Variants in NEXN observed in about 807,000 individuals in gnomAD.
NEXN encodes nexilin F-actin binding protein.
In NEXN, 65 loss-of-function variants were observed where a neutral mutation model predicts 92.6. That is an observed-to-expected ratio of 0.70 (90% CI 0.57 to 0.86). NEXN has a LOEUF of 0.86. Among genes scored for constraint, NEXN ranks in the 40% least tolerant of loss-of-function variants. The pLI is 0.00. For synonymous variants in NEXN, 254 were observed against 242.5 expected (o/e 1.05, Z -0.44); for missense variants, 778 against 771.1 (o/e 1.01, Z -0.11).
chr1:77,925,983 G>T (rs1649810881), intron 6 of NEXN, among the ~76,000 whole-genome samples: 2 of 151,666 alleles, frequency 1.3e-5, no homozygotes, highest in South Asian at 4.2e-4. Flanking sequence ...CTAAATACTG[G>T]TTTCATTAAG....
At chr1:77,937,075 C>T (rs778166596) in intron 11 of NEXN, among the ~76,000 whole-genome samples, 7 of 151,168 alleles carry the variant, frequency 4.6e-5, no homozygotes, top group African/African-American at 9.8e-5. Flanking sequence ...TTTGGGAGGC[C>T]GAGGTGGGTG....
At position 77,922,620 on chromosome 1, in the gene NEXN, C is replaced by T. The variant is rs546786297; in HGVS notation, c.448-2568C>T. ...ATTATTCTTTTTTTTTTTTTTGAGA[C>T]GGAGTCTCGCTCTGTTGCCCAGGCT... On this transcript the variant is annotated intron_variant, in intron 5 of 12. Transcript: ENST00000334785. 1.6e-4 allele frequency among the ~76,000 whole-genome samples: 22 copies of T among 140,254 alleles called. 1 individual carries two copies. In the East Asian group the frequency reaches 3.9e-3, roughly 25 times the overall value. The allele number at this position is 140,254 out of a possible 152,430, so 92.0% of individuals were successfully genotyped here. A position where few individuals can be genotyped will look rare whatever the true frequency, so the allele number is the denominator to read the frequency against.
intron 1 of NEXN, among the ~76,000 whole-genome samples, chr1:77,915,343 C>A (rs1235056383): frequency 6.6e-6 from 1 of 151,892 alleles, no homozygotes; most frequent in African/African-American, 2.4e-5. Context: ...AAAAAGAAAG[C>A]TGGTGGCCGG....
chr1:77,926,854 G>T lies in NEXN; in HGVS notation c.826G>T (p.Glu276Ter). ...AEEEARKRLE[E>*]EKRAFEEARR... ...AGAGGAAGCAAGAAAACGTTTAGAA[G>T]AAGAGAAGCGTGCTTTTGAAGAAGC... is the stretch of plus-strand genomic sequence containing the variant. Residue 276 changes from glutamate (E) to a stop codon, truncating the protein, a stop_gained, in exon 8 of 13, where the codon GAA (glutamate) becomes TAA (stop). Coordinates refer to ENST00000334785, the MANE Select transcript of NEXN (RefSeq NM_144573.4). LOFTEE classifies it high-confidence loss of function. 6.2e-7 allele frequency: 1 copy of T among 1,613,946 alleles called. No homozygotes were observed. Among genetic ancestry groups the T allele is most frequent in the Non-Finnish European group, 8.5e-7 (1 of 1,179,972 alleles).
chr1:77,921,198 A>C (rs1020549163), intron 5 of NEXN, among the ~76,000 whole-genome samples: 3 of 152,128 alleles, frequency 2.0e-5, no homozygotes, highest in African/African-American at 7.2e-5. Context: ...ACAGACAAAC[A>C]ACTTAGCCAG....
Position 77,926,536 on chromosome 1 carries a change from C to G in NEXN, c.612C>G (p.Tyr204Ter), listed in dbSNP as rs755062153. 1 of 1,613,466 alleles carries G rather than the reference C, an allele frequency of 6.2e-7. No homozygotes were observed. The highest frequency in any genetic ancestry group is 1.1e-5 in the South Asian group (1 of 91,040). ...KEREEKERIK[Y>*]EEDKRIRYEE... ...GTGAAGAGAAAGAAAGGATCAAGTA[C>G]GAGGAAGATAAAAGAATAAGATATG... is the stretch of plus-strand genomic sequence containing the variant. Residue 204 changes from tyrosine to a stop codon, truncating the protein, a stop_gained, in exon 7 of 13, where the codon TAC (tyrosine) becomes TAG (stop). Transcript: ENST00000334785. LOFTEE classifies it high-confidence loss of function.
chr1:77,936,393 C>G (rs1214485263), intron 11 of NEXN, among the ~76,000 whole-genome samples: 3 of 152,074 alleles, frequency 2.0e-5, no homozygotes, highest in Non-Finnish European at 4.4e-5. Flanking sequence ...CCTAGGCTAG[C>G]CTGGGTAACA....
chr1:77,908,784 T>C (rs1409098083), intron 1 of NEXN, among the ~76,000 whole-genome samples: 1 of 152,212 alleles, frequency 6.6e-6, no homozygotes, highest in Non-Finnish European at 1.5e-5. Context: ...AGATGAATAG[T>C]AATAAAATTA....
At chr1:77,929,277 G>A (rs753834824) in intron 8 of NEXN, 39 bp from the exon 9 acceptor site, 1 of 1,394,902 alleles carries the variant, frequency 7.2e-7, no homozygotes, top group Non-Finnish European at 1.0e-6. Context: ...TTTTTCTGAT[G>A]AACCTCAATT....
chr1:77,932,812 G>C (rs1166463058), intron 9 of NEXN, among the ~76,000 whole-genome samples: 1 of 152,118 alleles, frequency 6.6e-6, no homozygotes, highest in African/African-American at 2.4e-5. Context: ...TTTGAACACT[G>C]TGTTGAGACT....
At chr1:77,920,885 A>G (rs527773195) in intron 5 of NEXN, among the ~76,000 whole-genome samples, 20 of 152,246 alleles carry the variant, frequency 1.3e-4, no homozygotes, top group Non-Finnish European at 2.8e-4. Context: ...TTTATAAAGC[A>G]AAAGAAATAG....
chr1:77,926,528 A>T lies in NEXN; in HGVS notation c.604A>T (p.Ile202Phe). Residue 202 changes from isoleucine to phenylalanine, a missense_variant, in exon 7 of 13, where the codon ATC becomes TTC. Around this residue, in one of 3 missense-constraint regions of NEXN, gnomAD observed 236 missense variants for 265.6 expected, o/e 0.89. Transcript: ENST00000334785. ...LEKEREEKER[I>F]KYEEDKRIRY... Reference sequence around the variant, plus strand: ...AAAAGAACGTGAAGAGAAAGAAAGGATCAAGTACGAGGAAGATAAAAGAAT... The same window carrying T: ...AAAAGAACGTGAAGAGAAAGAAAGGTTCAAGTACGAGGAAGATAAAAGAAT... The T allele has an allele frequency of 6.2e-7, 1 of 1,613,720 alleles. No individual in the cohort carries two copies. Among genetic ancestry groups the T allele is most frequent in the Non-Finnish European group, 8.5e-7 (1 of 1,179,826 alleles).
At chr1:77,915,511 C>T (rs1344138873) in intron 1 of NEXN, among the ~76,000 whole-genome samples, 1 of 152,178 alleles carries the variant, frequency 6.6e-6, no homozygotes. Flanking sequence ...CGCCTGTAGT[C>T]CCAGCTACTC....
chr1:77,931,354 A>G (rs575265340), intron 9 of NEXN, among the ~76,000 whole-genome samples: 26 of 133,018 alleles, frequency 2.0e-4, no homozygotes, highest in South Asian at 1.8e-3. Flanking sequence ...CGGAGCTTGC[A>G]GTGAGCCAAG....
At chr1:77,891,407 T>A (rs1047747588) in intron 1 of NEXN, among the ~76,000 whole-genome samples, 1 of 152,166 alleles carries the variant, frequency 6.6e-6, no homozygotes, top group Non-Finnish European at 1.5e-5. Context: ...TCCCATGCAG[T>A]GTCTGCCATC....
chr1:77,919,582 ATT>A (rs71075777), intron 5 of NEXN, among the ~76,000 whole-genome samples: 17 of 131,936 alleles, frequency 1.3e-4, no homozygotes, highest in South Asian at 2.5e-4. Flanking sequence ...CAGGTCAGTC[ATT>A]TTTTTTTTTT....
At chr1:77,906,619 C>A (rs1474384423) in intron 1 of NEXN, among the ~76,000 whole-genome samples, 1 of 151,830 alleles carries the variant, frequency 6.6e-6, no homozygotes, top group Non-Finnish European at 1.5e-5. Flanking sequence ...TAACATTGAG[C>A]CTGTATATGT....
intron 1 of NEXN, among the ~76,000 whole-genome samples, chr1:77,891,796 G>A (rs1329284574): frequency 6.6e-6 from 1 of 151,486 alleles, no homozygotes; most frequent in African/African-American, 2.4e-5. Flanking sequence ...ACACTTTTGG[G>A]GCTGGGTGTG....
chr1:77,940,294 ACTGC>A (rs1352594758), intron 11 of NEXN, among the ~76,000 whole-genome samples: 4 of 152,210 alleles, frequency 2.6e-5, no homozygotes, highest in African/African-American at 9.6e-5. Flanking sequence ...AGGAAAATAC[ACTGC>A]CTAACTGCTG....
Sources: gnomAD v4.1 joint callset for allele counts (sites outside exome capture counted in the v4.1 genomes callset) on GRCh38, gnomAD v4.1.1 for gene constraint, gnomAD v4.1.1 regional missense constraint, MANE v1.5 for transcripts, NCBI Gene and HGNC (gene_info 2026-07-23, HGNC 2026-07-21) for gene names.